The following TMEM266 variants were observed in gnomAD, a reference collection of about 807,000 sequenced individuals.
The protein encoded by TMEM266 is transmembrane protein 266.
A neutral mutation model predicts 50.5 loss-of-function variants in TMEM266; 33 were observed. The ratio of observed to expected loss-of-function variants is 0.65; its 90% CI spans 0.50 to 0.87. TMEM266 has a LOEUF of 0.87. TMEM266 is among the 40% of genes least tolerant of loss of function. The pLI is 0.00. For synonymous variants in TMEM266, 310 were observed against 292.3 expected (o/e 1.06, Z -0.62); for missense variants, 655 against 695.1 (o/e 0.94, Z 0.65).
chr15:76,193,701 C>T (rs1363014565), intron 9 of TMEM266, among the ~76,000 whole-genome samples: 2 of 152,352 alleles, frequency 1.3e-5, no homozygotes, highest in East Asian at 1.9e-4. Flanking sequence ...ACCCCACCTC[C>T]ACATGGCTCT....
chr15:76,065,717 A>G (rs2036401499), intron 1 of TMEM266, among the ~76,000 whole-genome samples: 1 of 151,620 alleles, frequency 6.6e-6, no homozygotes, highest in African/African-American at 2.4e-5. Context: ...GCACCCAACA[A>G]ATGCTATTTT....
intron 7 of TMEM266, among the ~76,000 whole-genome samples, chr15:76,172,118 C>T (rs905594936): frequency 6.6e-6 from 1 of 152,220 alleles, no homozygotes; most frequent in Admixed American, 6.5e-5. Flanking sequence ...GAGAGGTCCC[C>T]CTAGAGTGAC....
intron 3 of TMEM266, among the ~76,000 whole-genome samples, chr15:76,143,539 A>G (rs910277477): frequency 6.6e-6 from 1 of 152,198 alleles, no homozygotes; most frequent in Admixed American, 6.5e-5. Context: ...TTTTTAAAAT[A>G]GAGACAAGGT....
At chr15:76,169,248 A>C (rs1399416515) in intron 5 of TMEM266, among the ~76,000 whole-genome samples, 1 of 152,056 alleles carries the variant, frequency 6.6e-6, no homozygotes, top group Non-Finnish European at 1.5e-5. Flanking sequence ...CCACTCCCAG[A>C]TGCAAGGAGG....
At chr15:76,183,443 T>C (rs2038450656) in intron 8 of TMEM266, among the ~76,000 whole-genome samples, 1 of 151,922 alleles carries the variant, frequency 6.6e-6, no homozygotes, top group African/African-American at 2.4e-5. Flanking sequence ...GTCCTCGGAG[T>C]CTTCTCCAGT....
intron 1 of TMEM266, among the ~76,000 whole-genome samples, chr15:76,081,180 A>G (rs915653802): frequency 3.3e-5 from 5 of 152,222 alleles, no homozygotes; most frequent in Admixed American, 2.6e-4. Context: ...TACCGAGTTC[A>G]AAAGGTCACA....
chr15:76,135,332 GC>G (rs1274525169), intron 2 of TMEM266, among the ~76,000 whole-genome samples: 1 of 152,212 alleles, frequency 6.6e-6, no homozygotes, highest in East Asian at 1.9e-4. Flanking sequence ...ACCAGAGGGG[GC>G]CTTGTCTCTC....
At chr15:76,093,651 A>C (rs1414851900) in intron 1 of TMEM266, among the ~76,000 whole-genome samples, 2 of 152,068 alleles carry the variant, frequency 1.3e-5, no homozygotes, top group African/African-American at 4.8e-5. Context: ...GCTGGGTCAA[A>C]TGGTATTTCT....
chr15:76,084,596 T>TG (rs141937058), intron 1 of TMEM266, among the ~76,000 whole-genome samples: 33,341 of 147,764 alleles, frequency 0.23, 4,068 homozygotes, highest in Non-Finnish European at 0.27. Flanking sequence ...GGGTTTTTTT[T>TG]GGTTTTTTTT....
chr15:76,186,709 A>G (rs879885935), intron 8 of TMEM266, among the ~76,000 whole-genome samples: 7 of 152,026 alleles, frequency 4.6e-5, no homozygotes, highest in Non-Finnish European at 7.4e-5. Flanking sequence ...TGGCATTCCT[A>G]TATCCACTCT....
chr15:76,137,709 C>T lies in TMEM266; in HGVS notation c.41C>T (p.Pro14Leu). ...ATTGTTCCTCCTCTCCAACCCAGGC[C>T]TGCCATAGAAGGAGGAATTTCTGAA... Residue 14 changes from proline (P) to leucine (L), a missense_variant and splice_region_variant, in exon 3 of 11, where the codon CCT (proline) becomes CTT (leucine). Around this residue, in one of 3 missense-constraint regions of TMEM266, gnomAD observed 99 missense variants for 110.8 expected, o/e 0.89. Coordinates refer to ENST00000388942, the MANE Select transcript of TMEM266 (RefSeq NM_152335.3). 1 of 1,614,082 alleles carries T rather than the reference C, an allele frequency of 6.2e-7. No individual in the cohort carries two copies. The highest frequency in any genetic ancestry group is 8.5e-7 in the Non-Finnish European group (1 of 1,179,968).
rs1388487721 is a variant in TMEM266, at chr15:76,191,923, C to A, written c.769-45C>A. 3 of 1,517,580 alleles carry A rather than the reference C, an allele frequency of 2.0e-6. No homozygotes were observed. In the East Asian group the frequency reaches 7.7e-5, roughly 39 times the overall value. 94.0% of individuals were successfully genotyped at this position (1,517,580 alleles called of 1,614,324 possible). A position where few individuals can be genotyped will look rare whatever the true frequency, so the allele number is the denominator to read the frequency against. ...CCAGAGGTCAGGCTGGAGGCCCCCG[C>A]CGGCCCCTCGCCGCTGATTCAGCCT... is the stretch of plus-strand genomic sequence containing the variant. On this transcript the variant is annotated intron_variant, in intron 8 of 10. Coordinates refer to ENST00000388942, the MANE Select transcript of TMEM266 (RefSeq NM_152335.3).
intron 3 of TMEM266, among the ~76,000 whole-genome samples, chr15:76,150,299 GC>G (rs1456997125): frequency 2.0e-5 from 3 of 152,182 alleles, no homozygotes; most frequent in Non-Finnish European, 2.9e-5. Context: ...AGCTGGGGAA[GC>G]CCAGGGCCCC....
At chr15:76,154,606 C>T (rs532394979) in intron 3 of TMEM266, among the ~76,000 whole-genome samples, 216 of 152,220 alleles carry the variant, frequency 1.4e-3, no homozygotes, top group African/African-American at 4.8e-3. Context: ...TCGACCATCC[C>T]CAGCCCCATC....
intron 1 of TMEM266, among the ~76,000 whole-genome samples, chr15:76,060,378 G>T (rs1272543600): frequency 6.6e-6 from 1 of 151,280 alleles, no homozygotes; most frequent in Admixed American, 6.6e-5. Context: ...GTTGCTGCTG[G>T]GGGGAATCCC....
intron 8 of TMEM266, among the ~76,000 whole-genome samples, chr15:76,177,082 C>T (rs551592632): frequency 1.3e-5 from 2 of 152,172 alleles, no homozygotes; most frequent in Non-Finnish European, 2.9e-5. Context: ...CATGTTCCCC[C>T]CGCCAGTAGC....
In TMEM266 at chr15:76,160,214, C is replaced by A. The variant is rs1328940325; in HGVS notation, c.456+46C>A. Reference sequence around the variant, plus strand: ...TGTCACCTCCTCTGTTGGGTGACTCCTGTCCTGGGGAAACCAAGGTCTACT... The same window carrying A: ...TGTCACCTCCTCTGTTGGGTGACTCATGTCCTGGGGAAACCAAGGTCTACT... On this transcript the variant is annotated intron_variant, in intron 5 of 10. Coordinates refer to ENST00000388942, the MANE Select transcript of TMEM266 (RefSeq NM_152335.3). This position sits in a 1 kb window ranked among gnomAD's most constrained non-coding sequence, Gnocchi z 5.7. 1 of 1,561,434 alleles carries A rather than the reference C, an allele frequency of 6.4e-7. No homozygotes were observed. The highest frequency in any genetic ancestry group is 8.8e-7 in the Non-Finnish European group (1 of 1,132,768).
In TMEM266 at chr15:76,204,633, CT is replaced by C; in HGVS notation, c.*320del. ...GAGTGTGGGGGGGCCAGCTCAGCCT[CT>C]TGCGTTGCCTTCGTTCCTGACGCCC... On this transcript the variant is annotated 3_prime_UTR_variant, in exon 11 of 11. Coordinates refer to ENST00000388942, the MANE Select transcript of TMEM266 (RefSeq NM_152335.3). The C allele has an allele frequency of 4.4e-6, 1 of 228,732 alleles. No homozygotes were observed. The highest frequency in any genetic ancestry group is 9.4e-5 in the East Asian group (1 of 10,610). The allele number at this position is 228,732 out of a possible 1,614,324, so 14.2% of individuals were successfully genotyped here.
In TMEM266 at chr15:76,200,461, C is replaced by T. The variant is rs138434719; in HGVS notation, c.959-1741C>T. Among the ~76,000 whole-genome samples the T allele has an allele frequency of 9.4e-3, 1,439 of 152,324 alleles. 15 individuals are homozygous for T. The highest frequency in any genetic ancestry group is 0.025 in the South Asian group (119 of 4,832). On this transcript the variant is annotated intron_variant, in intron 9 of 10. Coordinates refer to ENST00000388942, the MANE Select transcript of TMEM266 (RefSeq NM_152335.3). ...CCCCCATGGCAGGCCAGTGGCAGCA[C>T]AAGGACAACTCAGCATCTGGGATTT...
Sources: gnomAD v4.1 joint callset for allele counts (sites outside exome capture counted in the v4.1 genomes callset) on GRCh38, gnomAD v4.1.1 for gene constraint, gnomAD v4.1.1 regional missense constraint, Gnocchi (gnomAD v3.1) non-coding constraint, MANE v1.5 for transcripts, NCBI Gene and HGNC (gene_info 2026-07-23, HGNC 2026-07-21) for gene names.